Variants in CLVS1 observed in about 807,000 individuals in gnomAD.
CLVS1 encodes clavesin-1.
In CLVS1, 10 loss-of-function variants were observed where a neutral mutation model predicts 33.1. The ratio of observed to expected loss-of-function variants is 0.30; its 90% CI spans 0.19 to 0.51. CLVS1 has a LOEUF of 0.51. Among genes scored for constraint, CLVS1 ranks in the 20% least tolerant of loss-of-function variants. The probability of loss-of-function intolerance (pLI) is 0.97; values close to 1 mark genes in which losing one functional copy is unlikely to be tolerated. For missense variants in CLVS1, 343 were observed against 433.4 expected, an observed-to-expected ratio of 0.79 and a Z score of 1.85; for synonymous variants, 163 against 166.1, an observed-to-expected ratio of 0.98 and a Z score of 0.14.
the CLVS1 span, among the ~76,000 whole-genome samples, chr8:61,052,102 G>A: frequency 4.6e-5 from 7 of 152,184 alleles, no homozygotes; most frequent in African/African-American, 1.7e-4. Flanking sequence ...TGAGGTCACC[G>A]CACCCCGTGG....
At chr8:61,392,393 G>C (rs971971926) in intron 3 of CLVS1, among the ~76,000 whole-genome samples, 7 of 152,068 alleles carry the variant, frequency 4.6e-5, no homozygotes, top group African/African-American at 1.7e-4. Context: ...GATTGGTGCT[G>C]ACTAATGGTG....
chr8:61,010,868 G>C, the CLVS1 span, among the ~76,000 whole-genome samples: 1 of 152,198 alleles, frequency 6.6e-6, no homozygotes, highest in African/African-American at 2.4e-5. Flanking sequence ...TCTGTGCTAT[G>C]ATGTAAACTA....
intron 3 of CLVS1, among the ~76,000 whole-genome samples, chr8:61,434,559 A>G (rs1816242560): frequency 6.6e-6 from 1 of 152,190 alleles, no homozygotes; most frequent in African/African-American, 2.4e-5. Flanking sequence ...ACATTTAAGA[A>G]ATACATTGAT....
chr8:61,038,954 A>AT, the CLVS1 span, among the ~76,000 whole-genome samples: 42 of 151,512 alleles, frequency 2.8e-4, no homozygotes, highest in Non-Finnish European at 5.3e-4. Flanking sequence ...TGTCACCCAC[A>AT]TTTTTTTTTA....
chr8:61,056,985 C>T (rs1424224933), upstream of CLVS1, among the ~76,000 whole-genome samples: 1 of 152,186 alleles, frequency 6.6e-6, no homozygotes, highest in African/African-American at 2.4e-5. Flanking sequence ...TCCTCCCCCA[C>T]ACCACAGACT....
the CLVS1 span, among the ~76,000 whole-genome samples, chr8:60,971,071 C>CTTTT: frequency 1.5e-4 from 14 of 91,052 alleles, no homozygotes; most frequent in Non-Finnish European, 2.4e-4. Context: ...ATGACTTTTC[C>CTTTT]TTTTTTTTTT....
At chr8:61,389,660 G>A (rs1814223689) in intron 3 of CLVS1, among the ~76,000 whole-genome samples, 5 of 152,184 alleles carry the variant, frequency 3.3e-5, no homozygotes, top group Admixed American at 3.3e-4. Context: ...TATCTTAGTA[G>A]CTCTGAGAGC....
At chr8:61,253,591 A>C (rs374021404) in intron 2 of CLVS1, among the ~76,000 whole-genome samples, 10 of 152,276 alleles carry the variant, frequency 6.6e-5, no homozygotes, top group East Asian at 5.8e-4. Flanking sequence ...TTCACATAGT[A>C]CCATATTTCT....
At chr8:61,282,752 T>C (rs1809699387) in intron 2 of CLVS1, among the ~76,000 whole-genome samples, 1 of 152,234 alleles carries the variant, frequency 6.6e-6, no homozygotes, top group South Asian at 2.1e-4. Flanking sequence ...ATCCTTATAA[T>C]AAGTTCCCAT....
chr8:61,447,128 A>G (rs1403089274), intron 3 of CLVS1, among the ~76,000 whole-genome samples: 1 of 152,030 alleles, frequency 6.6e-6, no homozygotes, highest in Admixed American at 6.6e-5. Context: ...GAGTTCTTCT[A>G]TATCCTTGCT....
intron 3 of CLVS1, among the ~76,000 whole-genome samples, chr8:61,453,005 A>C (rs372868147): frequency 1.3e-5 from 2 of 152,082 alleles, no homozygotes; most frequent in African/African-American, 4.8e-5. Context: ...GAGGCATCTC[A>C]TATACCCGCA....
rs375319471 is a variant in CLVS1, at chr8:61,451,812, C to CACAG, written c.631-2328_631-2327insCAGA. On this transcript the variant is annotated intron_variant, in intron 3 of 5. Coordinates refer to ENST00000325897, the MANE Select transcript of CLVS1 (RefSeq NM_173519.3). ...CCTCTGTACAAAACACACACACACA[C>CACAG]AGAGAGAGAGAGAGAGAGAGAGAGA... Among the ~76,000 whole-genome samples the CACAG allele has an allele frequency of 1.0e-3, 143 of 142,932 alleles. No individual in the cohort carries two copies. In the Middle Eastern group the frequency reaches 0.024, roughly 24 times the overall value. The allele number at this position is 142,932 out of a possible 152,430, so 93.8% of individuals were successfully genotyped here.
intron 2 of CLVS1, among the ~76,000 whole-genome samples, chr8:61,149,191 A>C (rs1280096399): frequency 6.6e-6 from 1 of 152,196 alleles, no homozygotes; most frequent in African/African-American, 2.4e-5. Context: ...TGCACACAGT[A>C]GTTACTTACT....
the CLVS1 span, among the ~76,000 whole-genome samples, chr8:60,987,118 G>A: frequency 2.0e-5 from 3 of 152,216 alleles, no homozygotes; most frequent in Non-Finnish European, 4.4e-5. Flanking sequence ...CTAAGACAAA[G>A]CAGATGATTA....
At chr8:61,032,563 C>T in the CLVS1 span, among the ~76,000 whole-genome samples, 1 of 152,016 alleles carries the variant, frequency 6.6e-6, no homozygotes. Context: ...ACCAGTTAGG[C>T]CTTGGGGGCT....
chr8:61,391,700 T>C (rs1814312223), intron 3 of CLVS1, among the ~76,000 whole-genome samples: 1 of 152,194 alleles, frequency 6.6e-6, no homozygotes. Flanking sequence ...GTAGACTCAT[T>C]AAGGATTTGG....
At chr8:61,350,674 C>A (rs1812417505) in intron 2 of CLVS1, among the ~76,000 whole-genome samples, 1 of 152,046 alleles carries the variant, frequency 6.6e-6, no homozygotes, top group South Asian at 2.1e-4. Context: ...TGTGCATGTG[C>A]CCTGAATTTA....
chr8:61,070,744 G>A (rs540971904), intron 1 of CLVS1, among the ~76,000 whole-genome samples: 26 of 152,350 alleles, frequency 1.7e-4, no homozygotes, highest in African/African-American at 6.0e-4. Flanking sequence ...GGAGGCTGAG[G>A]TGGGAGGGTT....
intron 2 of CLVS1, among the ~76,000 whole-genome samples, chr8:61,188,454 G>C (rs2978504): frequency 0.53 from 79,518 of 151,422 alleles, 21,550 homozygotes; most frequent in Middle Eastern, 0.68. Context: ...CAGACAGATA[G>C]AGAAAAAGAC....
Sources: gnomAD v4.1 joint callset for allele counts (sites outside exome capture counted in the v4.1 genomes callset) on GRCh38, gnomAD v4.1.1 for gene constraint, MANE v1.5 for transcripts, NCBI Gene and HGNC (gene_info 2026-07-23, HGNC 2026-07-21) for gene names.